CEP170B: variants seen among roughly 807,000 people sequenced by gnomAD.
CEP170B encodes centrosomal protein 170B.
In CEP170B, 55 loss-of-function variants were observed where a neutral mutation model predicts 120.6. That is an observed-to-expected ratio of 0.46 (90% CI 0.37 to 0.57). The LOEUF (loss-of-function observed/expected upper bound fraction) is 0.57, where lower values mean the gene tolerates loss of function less well. CEP170B is among the 20% of genes least tolerant of loss of function. The pLI is 0.00. For synonymous variants in CEP170B, 1,033 were observed against 954.5 expected (o/e 1.08, Z -1.52); for missense variants, 2,212 against 2,253.3 (o/e 0.98, Z 0.37).
At position 104,891,797 on chromosome 14, in the gene CEP170B, G is replaced by T. The variant is rs1239027136; in HGVS notation, c.3879-1179G>T. On this transcript the variant is annotated intron_variant, in intron 13 of 18. Transcript: ENST00000414716. This position sits in a 1 kb window ranked among gnomAD's most constrained non-coding sequence, Gnocchi z 4.3. ...GGGGCAGGAGGCCAGGGAGTGCTGG[G>T]CGGGGGCCTGAGGGCCAGGGGCATG... Among the ~76,000 whole-genome samples, 1 of 152,232 alleles carries T rather than the reference G, an allele frequency of 6.6e-6. No individual in the cohort carries two copies. Among genetic ancestry groups the T allele is most frequent in the East Asian group, 1.9e-4 (1 of 5,178 alleles).
In CEP170B at chr14:104,865,278, G is replaced by C. The variant is rs1263024302; in HGVS notation, c.-263G>C. 2 of 146,258 alleles carry C rather than the reference G, an allele frequency of 1.4e-5. No individual in the cohort carries two copies. Among genetic ancestry groups the C allele is most frequent in the African/African-American group, 4.9e-5 (2 of 40,646 alleles). 9.1% of individuals were successfully genotyped at this position (146,258 alleles called of 1,614,324 possible). ...GGCTGAGCCTCCCGCAGACGTCAGG[G>C]ACCCGCGCGCGAGGCCGCCGGCGGC... On this transcript the variant is annotated 5_prime_UTR_variant, in exon 1 of 19. Transcript: ENST00000414716. The surrounding 1 kb of genome is among the most constrained non-coding windows in gnomAD (Gnocchi z 6.7).
In CEP170B at chr14:104,891,544, G is replaced by T. The variant is rs1253017126; in HGVS notation, c.3879-1432G>T. ...GGGGCTTGGAAGGATGGGGACTGGG[G>T]ACAGGGCTCTTGGGATGCTTGAGGT... On this transcript the variant is annotated intron_variant, in intron 13 of 18. Coordinates refer to ENST00000414716, the MANE Select transcript of CEP170B (RefSeq NM_001112726.3). This position sits in a 1 kb window ranked among gnomAD's most constrained non-coding sequence, Gnocchi z 4.3. Among the ~76,000 whole-genome samples, 1 of 152,084 alleles carries T rather than the reference G, an allele frequency of 6.6e-6. No individual in the cohort carries two copies. The highest frequency in any genetic ancestry group is 1.5e-5 in the Non-Finnish European group (1 of 68,006).
chr14:104,890,014 G>GTGGA (rs1352543973), intron 13 of CEP170B, among the ~76,000 whole-genome samples: 1 of 13,720 alleles, frequency 7.3e-5, no homozygotes, highest in Non-Finnish European at 1.3e-4. Flanking sequence ...GGGTGGGTGG[G>GTGGA]TGGATGGATG....
chr14:104,877,359 T>C (rs963305928), intron 3 of CEP170B, among the ~76,000 whole-genome samples: 27 of 152,176 alleles, frequency 1.8e-4, no homozygotes, highest in African/African-American at 5.5e-4. Flanking sequence ...GGTTGGCTAC[T>C]TCTGAGGCCT....
At chr14:104,866,165 T>C (rs1895194951) in intron 1 of CEP170B, among the ~76,000 whole-genome samples, 1 of 152,040 alleles carries the variant, frequency 6.6e-6, no homozygotes, top group Non-Finnish European at 1.5e-5. Flanking sequence ...CCGAAGGCCG[T>C]TTTGGAGCGT....
intron 4 of CEP170B, 63 bp downstream of exon 4, chr14:104,878,026 C>T: frequency 2.3e-6 from 3 of 1,315,212 alleles, no homozygotes; most frequent in South Asian, 1.3e-5. Flanking sequence ...CCACAGTCAC[C>T]CTGTTACTCC....
In CEP170B at chr14:104,883,896, G is replaced by C. The variant is rs756546936; in HGVS notation, c.1117G>C (p.Ala373Pro). Residue 373 changes from alanine to proline, a missense_variant, in exon 9 of 19, where the codon GCT becomes CCT. Coordinates refer to ENST00000414716, the MANE Select transcript of CEP170B (RefSeq NM_001112726.3). The part of the protein sequence containing the change: ...EDPLAKAASA[A>P]GVPLEASGEQ... ...CCCCCTGGCCAAGGCGGCCTCGGCC[G>C]CTGGGGTGCCCTTGGAGGCCAGCGG... The C allele has an allele frequency of 4.4e-6, 7 of 1,587,966 alleles. No individual in the cohort carries two copies. In the Admixed American group the frequency reaches 7.2e-5, roughly 16 times the overall value.
chr14:104,883,350 C>A lies in CEP170B; in HGVS notation c.893C>A (p.Pro298Gln), dbSNP rs201541467. 1.2e-6 allele frequency: 2 copies of A among 1,610,862 alleles called. No individual in the cohort carries two copies. Among genetic ancestry groups the A allele is most frequent in the Non-Finnish European group, 1.7e-6 (2 of 1,179,296 alleles). ...TTTTCCCTGCGCCAGCGGCGGCCCCCGGGCAAGGAGGCCACACCTGGCGAG... is the reference window on the plus strand; with the variant it reads ...TTTTCCCTGCGCCAGCGGCGGCCCCAGGGCAAGGAGGCCACACCTGGCGAG... ...TKFSLRQRRP[P>Q]GKEATPGEMV... Residue 298 changes from proline (P) to glutamine (Q), a missense_variant, in exon 8 of 19, where the codon CCG (proline) becomes CAG (glutamine). Transcript: ENST00000414716.
chr14:104,867,439 G>A lies in CEP170B; in HGVS notation c.-27-985G>A, dbSNP rs1184385022. Among the ~76,000 whole-genome samples, 2 of 152,170 alleles carry A rather than the reference G, an allele frequency of 1.3e-5. No homozygotes were observed. The highest frequency in any genetic ancestry group is 2.4e-5 in the African/African-American group (1 of 41,422). On this transcript the variant is annotated intron_variant, in intron 1 of 18. Transcript: ENST00000414716. This position sits in a 1 kb window ranked among gnomAD's most constrained non-coding sequence, Gnocchi z 5.4. ...CTCTGTGCCTGCCCCCTGCTGAAGG[G>A]AGCCCCAGGATTCTGAGACTCTGTG... is the stretch of plus-strand genomic sequence containing the variant.
At position 104,880,381 on chromosome 14, in the gene CEP170B, C is replaced by T. The variant is rs1375482392; in HGVS notation, c.428C>T (p.Ala143Val). The change falls in exon 6 of 19, where the codon GCC becomes GTC. Residue 143 changes from alanine to valine, a missense_variant. Ala to Val is a moderately conservative substitution (Grantham distance 64). This residue lies in a region of CEP170B where 2,166 missense variants were observed against 2,166.7 expected (regional missense o/e 1.00). Transcript: ENST00000414716. ...CCGGAACACACACCATACTGCGAGGCCTCGAACCCCAGGCCGGAGAAGGGG... is the reference window on the plus strand; with the variant it reads ...CCGGAACACACACCATACTGCGAGGTCTCGAACCCCAGGCCGGAGAAGGGG... Reference protein sequence around the residue: ...ALPEHTPYCEASNPRPEKGDR... With the variant: ...ALPEHTPYCEVSNPRPEKGDR... 6.2e-7 allele frequency: 1 copy of T among 1,612,666 alleles called. No homozygotes were observed. Among genetic ancestry groups the T allele is most frequent in the South Asian group, 1.1e-5 (1 of 91,006 alleles).
At chr14:104,883,571 G>A (rs1335427360) in intron 8 of CEP170B, 63 bp downstream of exon 8, 1 of 1,450,246 alleles carries the variant, frequency 6.9e-7, no homozygotes, top group Admixed American at 2.4e-5. Context: ...CTTTGGCTGG[G>A]TCTGCACTGT....
At chr14:104,882,382 A>G (rs1896200299) in intron 6 of CEP170B, among the ~76,000 whole-genome samples, 1 of 152,056 alleles carries the variant, frequency 6.6e-6, no homozygotes, top group African/African-American at 2.4e-5. Context: ...GCAGGGTTGC[A>G]GGACGGAGGT....
intron 5 of CEP170B, 22 bp from the exon 6 acceptor site, chr14:104,880,265 A>ACCCCG (rs775746187): frequency 4.5e-6 from 7 of 1,571,196 alleles, no homozygotes; most frequent in Non-Finnish European, 6.0e-6. Context: ...CCAGTACCTC[A>ACCCCG]CCCCGCCTGG....
chr14:104,876,971 C>T (rs1309012543), intron 3 of CEP170B, among the ~76,000 whole-genome samples: 1 of 152,232 alleles, frequency 6.6e-6, no homozygotes, highest in African/African-American at 2.4e-5. Context: ...AGGCCCCTCT[C>T]TGGGGGCGTG....
chr14:104,876,140 C>T, intron 2 of CEP170B, 116 bp from the exon 3 acceptor site: 1 of 944,584 alleles, frequency 1.1e-6, no homozygotes, highest in Non-Finnish European at 1.6e-6. Flanking sequence ...TGGTCAGAGG[C>T]CTGGGGGCCA....
Position 104,886,529 on chromosome 14 carries a change from G to C in CEP170B, c.2290G>C (p.Glu764Gln), listed in dbSNP as rs1396536207. The change falls in exon 12 of 19, where the codon GAG becomes CAG. Residue 764 changes from glutamate to glutamine, a missense_variant. Physicochemically the swap from Glu to Gln is conservative, Grantham distance 29. This residue lies in a region of CEP170B where 2,166 missense variants were observed against 2,166.7 expected (regional missense o/e 1.00). Transcript: ENST00000414716. The part of the protein sequence containing the change: ...DGGRGPEPGV[E>Q]PQDSRRRSPQ... ...GGGCCGAGGCCCCGAGCCAGGGGTG[G>C]AGCCACAGGACAGCAGACGCAGGAG... 6.6e-7 allele frequency: 1 copy of C among 1,515,814 alleles called. No individual in the cohort carries two copies. The highest frequency in any genetic ancestry group is 2.3e-5 in the East Asian group (1 of 43,002). The allele number at this position is 1,515,814 out of a possible 1,614,324, so 93.9% of individuals were successfully genotyped here. A position where few individuals can be genotyped will look rare whatever the true frequency, so the allele number is the denominator to read the frequency against.
intron 13 of CEP170B, among the ~76,000 whole-genome samples, chr14:104,892,630 G>GC (rs1896900163): frequency 6.6e-6 from 1 of 152,242 alleles, no homozygotes; most frequent in South Asian, 2.1e-4. Context: ...TCCCATTTGG[G>GC]CCCCGCAGCT....
chr14:104,893,015 C>G lies in CEP170B; in HGVS notation c.3918C>G (p.Ala1306=). Reference sequence around the variant, plus strand: ...TGGTGAAGGACGTGGCCATCCTAGCCCAGGAGATCCACGATGTGGCTGGGG... The same window carrying G: ...TGGTGAAGGACGTGGCCATCCTAGCGCAGGAGATCCACGATGTGGCTGGGG... ...QTLVKDVAIL[A]QEIHDVAGDG... The change falls in exon 14 of 19, where the codon GCC becomes GCG. Residue 1306 remains alanine, a synonymous_variant. Coordinates refer to ENST00000414716, the MANE Select transcript of CEP170B (RefSeq NM_001112726.3). 2.5e-6 allele frequency: 4 copies of G among 1,583,354 alleles called. No individual in the cohort carries two copies. The South Asian group carries it at 3.5e-5, about 14-fold the overall frequency.
At position 104,886,907 on chromosome 14, in the gene CEP170B, C is replaced by A; in HGVS notation, c.2668C>A (p.Pro890Thr). 6.2e-7 allele frequency: 1 copy of A among 1,610,296 alleles called. No individual in the cohort carries two copies. The part of the protein sequence containing the change: ...PGKPPHISSH[P>T]LLQDLAATRA... ...CAAGCCCCCCCACATCTCCAGCCAC[C>A]CGCTTCTACAGGACCTGGCCGCTAC... The change falls in exon 12 of 19, where the codon CCG (proline) becomes ACG (threonine). Residue 890 changes from proline (P) to threonine (T), a missense_variant. By Grantham distance (38) the Pro-to-Thr change is conservative. Around this residue, in one of 2 missense-constraint regions of CEP170B, gnomAD observed 2,166 missense variants for 2,166.7 expected, o/e 1.00. Coordinates refer to ENST00000414716, the MANE Select transcript of CEP170B (RefSeq NM_001112726.3).
Sources: allele counts gnomAD v4.1 joint callset (sites outside exome capture counted in the v4.1 genomes callset), GRCh38; gene constraint gnomAD v4.1.1; regional missense constraint gnomAD v4.1.1; non-coding constraint Gnocchi (gnomAD v3.1); transcripts MANE v1.5; gene names NCBI Gene and HGNC (gene_info 2026-07-23, HGNC 2026-07-21).